LDB2: variants seen among roughly 807,000 people sequenced by gnomAD.
LDB2 encodes the protein LIM domain binding 2.
In LDB2, 12 loss-of-function variants were observed where a neutral mutation model predicts 44.3. The observed-to-expected ratio is 0.27, with a 90% CI of 0.17 to 0.44. The LOEUF (loss-of-function observed/expected upper bound fraction) is 0.44, where lower values mean the gene tolerates loss of function less well. Among genes scored for constraint, LDB2 ranks in the 20% least tolerant of loss-of-function variants. LDB2 has a pLI of 1.00. For synonymous variants in LDB2, 164 were observed against 174.8 expected, an observed-to-expected ratio of 0.94 and a Z score of 0.49; for missense variants, 344 against 473.5, an observed-to-expected ratio of 0.73 and a Z score of 2.54.
intron 5 of LDB2, among the ~76,000 whole-genome samples, chr4:16,550,325 C>T (rs10939670): frequency 0.98 from 148,561 of 152,296 alleles, 72,514 homozygotes; most frequent in Non-Finnish European, 0.99. Context: ...CCCATCTTAT[C>T]TGTTTTGCAT....
chr4:16,766,369 T>C (rs1449946364), intron 1 of LDB2, among the ~76,000 whole-genome samples: 5 of 151,792 alleles, frequency 3.3e-5, no homozygotes, highest in African/African-American at 1.2e-4. Flanking sequence ...ACCTATCCAA[T>C]TTATATATAC....
intron 1 of LDB2, among the ~76,000 whole-genome samples, chr4:16,816,166 T>C (rs1579934041): frequency 6.6e-6 from 1 of 151,860 alleles, no homozygotes; most frequent in South Asian, 2.1e-4. Flanking sequence ...GATCACGCCA[T>C]GGCACTCCAG....
At chr4:16,672,492 G>A (rs1745043979) in intron 2 of LDB2, among the ~76,000 whole-genome samples, 1 of 152,126 alleles carries the variant, frequency 6.6e-6, no homozygotes. Context: ...AGTTAAATGG[G>A]AACTGAGCCC....
intron 2 of LDB2, among the ~76,000 whole-genome samples, chr4:16,633,784 A>G (rs1433571277): frequency 6.6e-6 from 1 of 152,206 alleles, no homozygotes; most frequent in East Asian, 1.9e-4. Context: ...TATGGAACCA[A>G]AAAAGAGTCC....
intron 3 of LDB2, among the ~76,000 whole-genome samples, chr4:16,589,202 T>C (rs1205837983): frequency 1.3e-5 from 2 of 152,248 alleles, no homozygotes; most frequent in Non-Finnish European, 2.9e-5. Flanking sequence ...GCTTGAGCTC[T>C]TATTCTAATC....
At chr4:16,749,891 G>C (rs114923319) in intron 2 of LDB2, among the ~76,000 whole-genome samples, 1 of 152,098 alleles carries the variant, frequency 6.6e-6, no homozygotes, top group Non-Finnish European at 1.5e-5. Flanking sequence ...AAGAACTAAG[G>C]CTTTTAGAAG....
At chr4:16,627,371 A>T (rs1264357941) in intron 2 of LDB2, among the ~76,000 whole-genome samples, 1 of 152,158 alleles carries the variant, frequency 6.6e-6, no homozygotes, top group African/African-American at 2.4e-5. Context: ...AATGTTAAAA[A>T]CATTAGACTC....
At chr4:16,862,212 C>A (rs1056151643) in intron 1 of LDB2, among the ~76,000 whole-genome samples, 1 of 151,914 alleles carries the variant, frequency 6.6e-6, no homozygotes, top group Non-Finnish European at 1.5e-5. Context: ...AAGTCTCTTT[C>A]TTTTGAATCC....
intron 2 of LDB2, among the ~76,000 whole-genome samples, chr4:16,747,407 C>T (rs1433162592): frequency 6.6e-6 from 1 of 152,136 alleles, no homozygotes; most frequent in Non-Finnish European, 1.5e-5. Context: ...ATCAGTGAAA[C>T]ACCGTTTATC....
rs999468760 is a variant in LDB2 at position 16,756,226 on chromosome 4, G to A, written c.235+2932C>T. On this transcript the variant is annotated intron_variant, in intron 2 of 7. Transcript: ENST00000304523. ...TTGGGAGGCCGAGGCTGGGCTGGTGGATCACTTCGGGCCAGGAGTTAGAGA... is the reference window on the plus strand; with the variant it reads ...TTGGGAGGCCGAGGCTGGGCTGGTGAATCACTTCGGGCCAGGAGTTAGAGA... Among the ~76,000 whole-genome samples, 3 of 152,136 alleles carry A rather than the reference G, an allele frequency of 2.0e-5. No individual in the cohort carries two copies. The South Asian group carries it at 6.2e-4, about 32-fold the overall frequency.
chr4:16,742,022 A>T (rs1763359967), intron 2 of LDB2, among the ~76,000 whole-genome samples: 1 of 151,580 alleles, frequency 6.6e-6, no homozygotes, highest in Non-Finnish European at 1.5e-5. Context: ...GAATGAATCC[A>T]TACACCATTT....
At chr4:16,684,588 G>A (rs1367772975) in intron 2 of LDB2, among the ~76,000 whole-genome samples, 1 of 152,180 alleles carries the variant, frequency 6.6e-6, no homozygotes, top group African/African-American at 2.4e-5. Context: ...AAGGTGGTGT[G>A]TTATTATCTA....
intron 2 of LDB2, among the ~76,000 whole-genome samples, chr4:16,673,405 T>C (rs1364994813): frequency 1.3e-5 from 2 of 152,232 alleles, no homozygotes; most frequent in Non-Finnish European, 2.9e-5. Flanking sequence ...TTACTCCTGC[T>C]GCTTCCGTGT....
intron 2 of LDB2, among the ~76,000 whole-genome samples, chr4:16,679,594 T>C (rs1395291): frequency 0.8 from 121,566 of 152,086 alleles, 48,828 homozygotes; most frequent in East Asian, 0.88. Flanking sequence ...CAGGAGCAGA[T>C]GTGGGATTTG....
intron 2 of LDB2, among the ~76,000 whole-genome samples, chr4:16,745,604 G>A (rs939326059): frequency 6.6e-6 from 1 of 152,150 alleles, no homozygotes; most frequent in Non-Finnish European, 1.5e-5. Context: ...AACACAGAGA[G>A]TTATTGTGGA....
At chr4:16,623,317 G>A (rs887418289) in intron 2 of LDB2, among the ~76,000 whole-genome samples, 2 of 152,140 alleles carry the variant, frequency 1.3e-5, no homozygotes, top group African/African-American at 4.8e-5. Context: ...ATGACTATCG[G>A]CCGGACGCAG....
chr4:16,662,671 G>A (rs1436840130), intron 2 of LDB2, among the ~76,000 whole-genome samples: 1 of 151,930 alleles, frequency 6.6e-6, no homozygotes, highest in Non-Finnish European at 1.5e-5. Context: ...TCTCATGATA[G>A]TGAATAAGTC....
At chr4:16,688,220 C>T (rs1009116662) in intron 2 of LDB2, among the ~76,000 whole-genome samples, 1 of 152,194 alleles carries the variant, frequency 6.6e-6, no homozygotes, top group Admixed American at 6.5e-5. Flanking sequence ...AGAAGTTCAA[C>T]AGCAAATGGA....
chr4:16,775,484 C>T (rs6449267), intron 1 of LDB2, among the ~76,000 whole-genome samples: 6,556 of 152,178 alleles, frequency 0.043, 232 homozygotes, highest in African/African-American at 0.094. Context: ...CATAGTGCTA[C>T]TATGAGAATT....
Sources: gnomAD v4.1 joint callset for allele counts (sites outside exome capture counted in the v4.1 genomes callset) on GRCh38, gnomAD v4.1.1 for gene constraint, MANE v1.5 for transcripts, NCBI Gene and HGNC (gene_info 2026-07-23, HGNC 2026-07-21) for gene names.